Variants in PCDHA1 observed in about 807,000 individuals in gnomAD.
PCDHA1 encodes protocadherin alpha 1, also known as protocadherin alpha-1.
A neutral mutation model predicts 61.3 loss-of-function variants in PCDHA1; 42 were observed. That is an observed-to-expected ratio of 0.69 (90% confidence interval 0.54 to 0.89). The LOEUF (loss-of-function observed/expected upper bound fraction) is 0.89, where lower values mean the gene tolerates loss of function less well. Ranked by LOEUF, PCDHA1 falls within the 40% of genes least tolerant of loss-of-function variation. The probability of loss-of-function intolerance (pLI) is 0.00; values close to 1 mark genes in which losing one functional copy is unlikely to be tolerated. For missense variants in PCDHA1, 1,256 were observed against 1,235.3 expected (o/e 1.02, Z -0.25); for synonymous variants, 610 against 553.8 (o/e 1.10, Z -1.43).
chr5:140,803,906 C>G, intron 1 of PCDHA1: 1 of 512,534 alleles, frequency 2.0e-6, no homozygotes, highest in Non-Finnish European at 3.4e-6. Context: ...TTTAGAGAAT[C>G]TGACTTCGAC....
intron 1 of PCDHA1, among the ~76,000 whole-genome samples, chr5:140,806,294 A>G (rs782082165): frequency 1.1e-4 from 16 of 152,232 alleles, no homozygotes; most frequent in Non-Finnish European, 2.2e-4. Context: ...TATAAGCACT[A>G]TAGGAGAAAA....
intron 1 of PCDHA1, chr5:140,869,088 G>A (rs1581866971): frequency 6.3e-7 from 1 of 1,587,910 alleles, no homozygotes; most frequent in Non-Finnish European, 8.6e-7. Context: ...TATTTTGGAA[G>A]CCAATTTCGT....
chr5:140,796,649 C>G (rs1554120026), intron 1 of PCDHA1: 1 of 1,613,864 alleles, frequency 6.2e-7, no homozygotes, highest in East Asian at 2.2e-5. Flanking sequence ...AACGACAACG[C>G]GCCGGCACTG....
At chr5:140,852,242 C>T (rs1581273178) in intron 1 of PCDHA1, 1 of 575,754 alleles carries the variant, frequency 1.7e-6, no homozygotes, top group East Asian at 1.4e-4. Context: ...TCCCTTAAAA[C>T]ACACTTTTGG....
chr5:140,819,751 T>C (rs1766615199), intron 1 of PCDHA1, among the ~76,000 whole-genome samples: 2 of 151,842 alleles, frequency 1.3e-5, no homozygotes, highest in Admixed American at 1.3e-4. Context: ...AAGTCAAGAG[T>C]CTTGTTTCCT....
chr5:140,821,669 C>A, intron 1 of PCDHA1: 2 of 1,272,360 alleles, frequency 1.6e-6, no homozygotes, highest in Non-Finnish European at 1.1e-6. Flanking sequence ...TGCCAAGAAG[C>A]TCAGAAAGGC....
intron 1 of PCDHA1, among the ~76,000 whole-genome samples, chr5:140,938,831 A>G (rs782069247): frequency 2.0e-5 from 3 of 152,118 alleles, no homozygotes; most frequent in Non-Finnish European, 4.4e-5. Flanking sequence ...AGTTTGCGTT[A>G]TAACAAACCT....
rs562081561 is a variant in PCDHA1 at position 140,927,834 on chromosome 5, C to T, written c.2395-51115C>T. 1.2e-5 allele frequency: 19 copies of T among 1,614,138 alleles called. No homozygotes were observed. In the East Asian group the frequency reaches 2.2e-4, roughly 19 times the overall value. ...TGGAGGCATACATTGAGGCGAGGGA[C>T]GAAGGTGTCTTTGGTTTAGCTAGCA... On this transcript the variant is annotated intron_variant, in intron 1 of 3. Coordinates refer to ENST00000504120, the MANE Select transcript of PCDHA1 (RefSeq NM_018900.4).
intron 1 of PCDHA1, chr5:140,927,277 G>A (rs1554204290): frequency 6.2e-7 from 1 of 1,614,016 alleles, no homozygotes; most frequent in Non-Finnish European, 8.5e-7. Context: ...TGCCGGCGAC[G>A]TGCAGCTGCA....
chr5:140,837,762 A>G (rs1775250265), intron 1 of PCDHA1, among the ~76,000 whole-genome samples: 2 of 151,650 alleles, frequency 1.3e-5, no homozygotes, highest in Non-Finnish European at 2.9e-5. Context: ...CTGCAACCTG[A>G]AAGTCCTGGG....
At chr5:140,877,881 G>T (rs782565949) in intron 1 of PCDHA1, 73 of 1,468,602 alleles carry the variant, frequency 5.0e-5, no homozygotes, top group Non-Finnish European at 5.9e-5. Flanking sequence ...TTTCCTTGAA[G>T]AACTTCCGTT....
chr5:140,830,228 C>T (rs1346700283), intron 1 of PCDHA1: 15 of 1,613,800 alleles, frequency 9.3e-6, no homozygotes, highest in Non-Finnish European at 1.3e-5. Flanking sequence ...CCTGCTGGTC[C>T]TCACGCTACT....
At chr5:140,848,810 C>T (rs2150250287) in intron 1 of PCDHA1, 1 of 1,591,698 alleles carries the variant, frequency 6.3e-7, no homozygotes, top group East Asian at 2.2e-5. Context: ...GCAGCATCCA[C>T]CTGGAGGTGA....
At chr5:140,876,343 T>A (rs1196276310) in intron 1 of PCDHA1, 2 of 1,613,854 alleles carry the variant, frequency 1.2e-6, no homozygotes, top group African/African-American at 2.7e-5. Flanking sequence ...GAGTGAGAAA[T>A]GTATGTTTTC....
chr5:140,866,304 A>G (rs898524631), intron 1 of PCDHA1: 16 of 152,138 alleles, frequency 1.1e-4, no homozygotes, highest in African/African-American at 3.6e-4. Flanking sequence ...AGATGTTGAT[A>G]TTATTATTTC....
At chr5:140,910,794 T>A (rs1431401808) in intron 1 of PCDHA1, among the ~76,000 whole-genome samples, 5 of 152,166 alleles carry the variant, frequency 3.3e-5, no homozygotes, top group Non-Finnish European at 7.3e-5. Flanking sequence ...AAATGCAGAA[T>A]CCCTGCTTAG....
At chr5:140,841,786 G>C in intron 1 of PCDHA1, 1 of 1,613,902 alleles carries the variant, frequency 6.2e-7, no homozygotes, top group Non-Finnish European at 8.5e-7. Context: ...TTCCGCTAGA[G>C]GGCGCGTCCG....
intron 1 of PCDHA1, chr5:140,796,832 G>T: frequency 3.1e-6 from 5 of 1,614,116 alleles, no homozygotes; most frequent in Non-Finnish European, 4.2e-6. Flanking sequence ...ATCCCGTTCC[G>T]CGTGGGGCTA....
At chr5:140,830,710 C>A in intron 1 of PCDHA1, 1 of 247,822 alleles carries the variant, frequency 4.0e-6, no homozygotes, top group East Asian at 8.1e-5. Flanking sequence ...GAATTTTTGT[C>A]TTCAAACCAA....
Sources: allele counts gnomAD v4.1 joint callset (sites outside exome capture counted in the v4.1 genomes callset), GRCh38; gene constraint gnomAD v4.1.1; transcripts MANE v1.5; gene names NCBI Gene and HGNC (gene_info 2026-07-23, HGNC 2026-07-21).